The following MYO1D variants were observed in gnomAD, a reference collection of about 807,000 sequenced individuals.
The protein encoded by MYO1D is unconventional myosin-Id.
Under a neutral mutation model 122.0 loss-of-function variants are expected in MYO1D, and 83 were observed. The ratio of observed to expected loss-of-function variants is 0.68; its 90% CI spans 0.57 to 0.82. MYO1D has a LOEUF of 0.82. Ranked by LOEUF, MYO1D falls within the 40% of genes least tolerant of loss-of-function variation. The pLI is 0.00. For synonymous variants in MYO1D, 464 were observed against 446.9 expected, an observed-to-expected ratio of 1.04 and a Z score of -0.48; for missense variants, 1,157 against 1,269.5, an observed-to-expected ratio of 0.91 and a Z score of 1.35.
intron 1 of MYO1D, among the ~76,000 whole-genome samples, chr17:32,862,526 G>A (rs2091086395): frequency 6.6e-6 from 1 of 152,170 alleles, no homozygotes; most frequent in African/African-American, 2.4e-5. Context: ...TTTTTTATAT[G>A]TCTAGAAAAG....
chr17:32,612,106 T>G (rs555076625), intron 20 of MYO1D, among the ~76,000 whole-genome samples: 1 of 152,116 alleles, frequency 6.6e-6, no homozygotes, highest in Non-Finnish European at 1.5e-5. Context: ...TTAAGAAAAG[T>G]TTTTTTGCCA....
chr17:32,535,104 T>G (rs1406950610), intron 21 of MYO1D, among the ~76,000 whole-genome samples: 1 of 152,228 alleles, frequency 6.6e-6, no homozygotes, highest in African/African-American at 2.4e-5. Flanking sequence ...ATATTAAATT[T>G]AAGGACAGTT....
At chr17:32,705,504 C>T (rs1372333151) in intron 16 of MYO1D, among the ~76,000 whole-genome samples, 1 of 152,192 alleles carries the variant, frequency 6.6e-6, no homozygotes, top group Non-Finnish European at 1.5e-5. Context: ...ACCTCGTGAT[C>T]CGCCCGCCTT....
intron 21 of MYO1D, among the ~76,000 whole-genome samples, chr17:32,523,113 C>A (rs911739893): frequency 1.3e-5 from 2 of 152,194 alleles, no homozygotes; most frequent in African/African-American, 4.8e-5. Context: ...CCACGCCTGG[C>A]CCCCCATGCC....
intron 2 of MYO1D, among the ~76,000 whole-genome samples, chr17:32,779,291 C>A (rs1021222090): frequency 1.3e-5 from 2 of 151,916 alleles, no homozygotes; most frequent in African/African-American, 4.8e-5. Context: ...TACTGTAAGT[C>A]ATGGCTAAAA....
intron 19 of MYO1D, among the ~76,000 whole-genome samples, chr17:32,644,135 CA>C (rs1248644084): frequency 1.3e-5 from 2 of 152,044 alleles, no homozygotes; most frequent in Non-Finnish European, 2.9e-5. Context: ...TCGTTGGTTT[CA>C]AAGAACATCT....
At chr17:32,650,733 TC>T (rs1390974148) in intron 19 of MYO1D, among the ~76,000 whole-genome samples, 1 of 152,194 alleles carries the variant, frequency 6.6e-6, no homozygotes, top group Non-Finnish European at 1.5e-5. Context: ...CTTTATAACT[TC>T]ATGCAGGTCA....
At chr17:32,524,189 T>A (rs1910257184) in intron 21 of MYO1D, among the ~76,000 whole-genome samples, 1 of 152,228 alleles carries the variant, frequency 6.6e-6, no homozygotes, top group Non-Finnish European at 1.5e-5. Flanking sequence ...TGAATGAATA[T>A]ATGCATCGTT....
chr17:32,519,561 C>G (rs1222421985), intron 21 of MYO1D, among the ~76,000 whole-genome samples: 1 of 151,862 alleles, frequency 6.6e-6, no homozygotes, highest in Non-Finnish European at 1.5e-5. Context: ...GAAACGAAGC[C>G]GCTGCCCGAG....
chr17:32,509,652 G>A (rs750254029), intron 21 of MYO1D, among the ~76,000 whole-genome samples: 12 of 151,586 alleles, frequency 7.9e-5, no homozygotes, highest in East Asian at 1.9e-4. Flanking sequence ...TGGTGCGATC[G>A]ATTCCGGCTC....
At chr17:32,802,186 T>C (rs963264923) in intron 1 of MYO1D, among the ~76,000 whole-genome samples, 1 of 152,186 alleles carries the variant, frequency 6.6e-6, no homozygotes, top group African/African-American at 2.4e-5. Context: ...GACAGTATGA[T>C]CATTTGTTTA....
chr17:32,664,865 ACT>A (rs1189311950), intron 16 of MYO1D, among the ~76,000 whole-genome samples: 3 of 152,078 alleles, frequency 2.0e-5, no homozygotes. Context: ...CTCTGCTCAA[ACT>A]CTGCAGTGGC....
At chr17:32,620,634 T>A (rs1053284323) in intron 20 of MYO1D, among the ~76,000 whole-genome samples, 1 of 152,210 alleles carries the variant, frequency 6.6e-6, no homozygotes, top group African/African-American at 2.4e-5. Flanking sequence ...CTTAAATTTG[T>A]TTTATGATAT....
intron 20 of MYO1D, among the ~76,000 whole-genome samples, chr17:32,622,936 C>T (rs1173194821): frequency 1.3e-5 from 2 of 152,204 alleles, no homozygotes; most frequent in Non-Finnish European, 2.9e-5. Context: ...CTTGTGTTGC[C>T]AGACCCCACT....
intron 20 of MYO1D, among the ~76,000 whole-genome samples, chr17:32,610,192 C>T (rs759026935): frequency 2.6e-5 from 4 of 152,086 alleles, no homozygotes; most frequent in Non-Finnish European, 4.4e-5. Flanking sequence ...CTACCTGGAC[C>T]AGAGGACAGG....
chr17:32,818,043 G>A (rs1037113485), intron 1 of MYO1D, among the ~76,000 whole-genome samples: 3 of 144,178 alleles, frequency 2.1e-5, no homozygotes, highest in African/African-American at 7.7e-5. Flanking sequence ...GGAGAATGGC[G>A]TGAACCCGGG....
intron 15 of MYO1D, among the ~76,000 whole-genome samples, chr17:32,718,556 C>A (rs1475240603): frequency 6.6e-6 from 1 of 152,028 alleles, no homozygotes; most frequent in Non-Finnish European, 1.5e-5. Context: ...AAAAAATTAG[C>A]TGGGTGTGGT....
chr17:32,789,529 T>C (rs909693894), intron 1 of MYO1D, among the ~76,000 whole-genome samples: 1 of 152,146 alleles, frequency 6.6e-6, no homozygotes, highest in African/African-American at 2.4e-5. Context: ...AAAACACACA[T>C]CATTACTGTC....
chr17:32,832,243 C>T (rs1598138768), intron 1 of MYO1D, among the ~76,000 whole-genome samples: 1 of 151,724 alleles, frequency 6.6e-6, no homozygotes, highest in Middle Eastern at 3.4e-3. Flanking sequence ...GACTCCACTG[C>T]TGGAACTACA....
Sources: gnomAD v4.1 joint callset for allele counts (sites outside exome capture counted in the v4.1 genomes callset) on GRCh38, gnomAD v4.1.1 for gene constraint, MANE v1.5 for transcripts, NCBI Gene and HGNC (gene_info 2026-07-23, HGNC 2026-07-21) for gene names.